The following CYLC2 variants were observed in gnomAD, a reference collection of about 807,000 sequenced individuals.
CYLC2 encodes the protein cylicin-2.
Under a neutral mutation model 26.1 loss-of-function variants are expected in CYLC2, and 30 were observed. The observed-to-expected ratio is 1.15, with a 90% CI of 0.86 to 1.56. CYLC2 has a LOEUF of 1.56. Among genes scored for constraint, CYLC2 ranks in the 40% most tolerant of loss-of-function variants. The pLI is 0.00. For synonymous variants in CYLC2, 158 were observed against 132.8 expected, an observed-to-expected ratio of 1.19 and a Z score of -1.31; for missense variants, 498 against 394.4, an observed-to-expected ratio of 1.26 and a Z score of -2.23.
intron 2 of CYLC2, 46 bp downstream of exon 2, chr9:103,001,664 T>C (rs750758383): frequency 8.3e-7 from 1 of 1,208,656 alleles, no homozygotes; most frequent in South Asian, 1.3e-5. Flanking sequence ...GTGCTTAATT[T>C]TATGGTAAGT....
chr9:103,015,147 TC>T (rs1485148297), intron 6 of CYLC2, among the ~76,000 whole-genome samples: 13 of 4,536 alleles, frequency 2.9e-3, no homozygotes, highest in Non-Finnish European at 3.7e-3. Flanking sequence ...AACATGTATA[TC>T]ACGTGATATA....
intron 3 of CYLC2, among the ~76,000 whole-genome samples, chr9:103,003,669 A>T (rs1829311673): frequency 3.3e-5 from 5 of 152,138 alleles, no homozygotes; most frequent in Admixed American, 3.3e-4. Flanking sequence ...CCTTTATTTC[A>T]TATTAACTAT....
intron 1 of CYLC2, among the ~76,000 whole-genome samples, chr9:102,996,218 A>T (rs1829235781): frequency 6.6e-6 from 1 of 151,878 alleles, no homozygotes; most frequent in Admixed American, 6.6e-5. Flanking sequence ...TTTTTGGTAA[A>T]GGTTTAAATG....
chr9:103,004,936 C>T (rs757523244), intron 4 of CYLC2, 33 bp from the exon 5 acceptor site: 1 of 1,574,474 alleles, frequency 6.4e-7, no homozygotes, highest in Non-Finnish European at 8.6e-7. Context: ...TGGATTTTCC[C>T]ATTTTAAGAA....
chr9:103,018,049 T>G (rs7023360), intron 7 of CYLC2, among the ~76,000 whole-genome samples: 101,081 of 151,656 alleles, frequency 0.67, 33,967 homozygotes, highest in South Asian at 0.82. Context: ...AATTTCAGGG[T>G]AGACAATTTA....
intron 6 of CYLC2, among the ~76,000 whole-genome samples, chr9:103,014,068 T>C (rs1194477442): frequency 8.4e-6 from 1 of 118,994 alleles, no homozygotes; most frequent in East Asian, 2.6e-4. Flanking sequence ...TAATATTTCA[T>C]ATATAAATTT....
At chr9:103,015,989 T>C (rs575855875) in intron 6 of CYLC2, among the ~76,000 whole-genome samples, 1 of 150,424 alleles carries the variant, frequency 6.6e-6, no homozygotes, top group East Asian at 1.9e-4. Flanking sequence ...TACATACATA[T>C]GTATGTGTAT....
rs1829472121 is a variant in CYLC2, at chr9:103,014,635, T to TCATATGTATATTACGCAGTATACAC, written c.*817-2240_*817-2239insCGCAGTATACACCATATGTATATTA. Among the ~76,000 whole-genome samples the TCATATGTATATTACGCAGTATACAC allele has an allele frequency of 3.8e-5, 5 of 130,562 alleles. 1 individual carries two copies. The highest frequency in any genetic ancestry group is 7.4e-5 in the Admixed American group (1 of 13,464). 85.7% of individuals were successfully genotyped at this position (130,562 alleles called of 152,430 possible). A position where few individuals can be genotyped will look rare whatever the true frequency, so the allele number is the denominator to read the frequency against. On this transcript the variant is annotated intron_variant, in intron 6 of 7. Coordinates refer to ENST00000374798, the MANE Select transcript of CYLC2 (RefSeq NM_001340.5). ...TCATATGTATATTATGCAGTATACATCATATGTATATTATGCAGTATACAC... is the reference window on the plus strand; with the variant it reads ...TCATATGTATATTATGCAGTATACATCATATGTATATTACGCAGTATACACCATATGTATATTATGCAGTATACAC...
chr9:103,010,502 G>A (rs1829395675), intron 5 of CYLC2, among the ~76,000 whole-genome samples: 2 of 152,032 alleles, frequency 1.3e-5, no homozygotes, highest in African/African-American at 4.8e-5. Context: ...CACAGAGAGT[G>A]CAAAACCAGA....
At chr9:102,999,877 A>T (rs1030485341) in intron 1 of CYLC2, among the ~76,000 whole-genome samples, 8 of 151,762 alleles carry the variant, frequency 5.3e-5, no homozygotes, top group African/African-American at 1.9e-4. Flanking sequence ...AATTTTAAGA[A>T]ATTATGTGTC....
chr9:103,011,047 A>G (rs1587854227), intron 5 of CYLC2, among the ~76,000 whole-genome samples: 1 of 152,234 alleles, frequency 6.6e-6, no homozygotes, highest in South Asian at 2.1e-4. Flanking sequence ...TAGATATAAG[A>G]TTATCTGCTA....
chr9:103,004,781 T>A lies in CYLC2; in HGVS notation c.267T>A (p.Ser89=). The A allele has an allele frequency of 1.2e-6, 2 of 1,612,810 alleles. No homozygotes were observed. Among genetic ancestry groups the A allele is most frequent in the Non-Finnish European group, 1.7e-6 (2 of 1,179,410 alleles). ...RSLMRISERP[S]VYLAARRQPL... ...TAATGAGAATTTCTGAGAGACCATC[T>A]GTTTATTTAGCTGCCAGGAGGCAGC... The change falls in exon 4 of 8, where the codon TCT becomes TCA. Residue 89 remains serine, a synonymous_variant. Transcript: ENST00000374798.
At chr9:103,002,287 T>G (rs1409409096) in intron 2 of CYLC2, among the ~76,000 whole-genome samples, 4 of 151,888 alleles carry the variant, frequency 2.6e-5, no homozygotes, top group Non-Finnish European at 5.9e-5. Context: ...TCTGTAGGCT[T>G]TTTGTCATTT....
Position 103,001,573 on chromosome 9 carries a change from A to C in CYLC2, c.18-5A>C, listed in dbSNP as rs568160825. 70 of 1,525,830 alleles carry C rather than the reference A, an allele frequency of 4.6e-5. No individual in the cohort carries two copies. In the Middle Eastern group the frequency reaches 5.2e-4, roughly 11 times the overall value. The allele number at this position is 1,525,830 out of a possible 1,614,324, so 94.5% of individuals were successfully genotyped here. A position where few individuals can be genotyped will look rare whatever the true frequency, so the allele number is the denominator to read the frequency against. ...AACTAAAACCTTTCTTTTTTGTTTT[A>C]ATAGCCAAAGAGTAAACTTTGGGCC... On this transcript the variant is annotated splice_polypyrimidine_tract_variant and splice_region_variant and intron_variant, in intron 1 of 7. Coordinates refer to ENST00000374798, the MANE Select transcript of CYLC2 (RefSeq NM_001340.5).
chr9:102,996,954 G>A (rs1421740527), intron 1 of CYLC2, among the ~76,000 whole-genome samples: 2 of 151,740 alleles, frequency 1.3e-5, no homozygotes, highest in Non-Finnish European at 2.9e-5. Context: ...AGGTAGGAGA[G>A]GTTATCACAA....
chr9:103,000,967 G>T (rs886727649), intron 1 of CYLC2, among the ~76,000 whole-genome samples: 1 of 151,730 alleles, frequency 6.6e-6, no homozygotes, highest in African/African-American at 2.4e-5. Flanking sequence ...AAAACAATTT[G>T]CAATATAGTT....
In CYLC2 at chr9:103,001,365, TG is replaced by T. The variant is rs1383449744; in HGVS notation, c.18-212del. ...TACATGTATGTATATATAGTTTGTT[TG>T]ATCGACCATTATTTAGTACTGTTGT... On this transcript the variant is annotated intron_variant, in intron 1 of 7. Transcript: ENST00000374798. 2.0e-5 allele frequency among the ~76,000 whole-genome samples: 3 copies of T among 151,922 alleles called. No homozygotes were observed. The East Asian group carries it at 5.9e-4, about 30-fold the overall frequency.
chr9:103,009,793 A>G (rs192545988), intron 5 of CYLC2, among the ~76,000 whole-genome samples: 1 of 152,144 alleles, frequency 6.6e-6, no homozygotes, highest in East Asian at 1.9e-4. Flanking sequence ...AGATACAACA[A>G]ATGAGAGAGA....
intron 6 of CYLC2, among the ~76,000 whole-genome samples, chr9:103,014,801 C>T (rs1247166268): frequency 5.8e-5 from 4 of 69,332 alleles, no homozygotes; most frequent in Non-Finnish European, 7.8e-5. Flanking sequence ...ATGTAATATA[C>T]GTATGTATAT....
Sources: allele counts gnomAD v4.1 joint callset (sites outside exome capture counted in the v4.1 genomes callset), GRCh38; gene constraint gnomAD v4.1.1; transcripts MANE v1.5; gene names NCBI Gene and HGNC (gene_info 2026-07-23, HGNC 2026-07-21).